MBD1: variants seen among roughly 807,000 people sequenced by gnomAD.
MBD1 encodes methyl-CpG binding domain protein 1, also known as methyl-CpG-binding domain protein 1.
Under a neutral mutation model 82.6 loss-of-function variants are expected in MBD1, and 25 were observed. That is an observed-to-expected ratio of 0.30 (90% CI 0.22 to 0.42). The LOEUF is 0.42. Ranked by LOEUF, MBD1 falls within the 10% of genes least tolerant of loss-of-function variation. The pLI is 1.00. For missense variants in MBD1, 627 were observed against 819.6 expected, an observed-to-expected ratio of 0.76 and a Z score of 2.87; for synonymous variants, 301 against 303.7, an observed-to-expected ratio of 0.99 and a Z score of 0.09.
Position 50,275,601 on chromosome 18 carries a change from C to T in MBD1, c.791G>A (p.Arg264Gln), listed in dbSNP as rs768780488. 5 of 1,614,204 alleles carry T rather than the reference C, an allele frequency of 3.1e-6. No homozygotes were observed. Among genetic ancestry groups the T allele is most frequent in the South Asian group, 2.2e-5 (2 of 91,080 alleles). Reference protein sequence around the residue: ...QWKCVQRRCLRGKHARRKGGC... With the variant: ...QWKCVQRRCLQGKHARRKGGC... ...TCTGCTCCCTCCAGCCCAACTCACC[C>T]GTAGGCAACGTCGCTGGACACATTT... is the stretch of plus-strand genomic sequence containing the variant. The change falls in exon 8 of 17, where the codon CGG (arginine) becomes CAG (glutamine). Residue 264 changes from arginine (R) to glutamine (Q), a missense_variant and splice_region_variant. Arg to Gln is a conservative substitution (Grantham distance 43, BLOSUM62 1). Coordinates refer to ENST00000269468, the MANE Select transcript of MBD1 (RefSeq NM_015846.4).
downstream of MBD1, among the ~76,000 whole-genome samples, chr18:50,267,827 T>C (rs941349607): frequency 6.6e-6 from 1 of 152,226 alleles, no homozygotes; most frequent in African/African-American, 2.4e-5. Flanking sequence ...TACTGTAAAT[T>C]AGCATTCCTT....
At position 50,276,631 on chromosome 18, in the gene MBD1, C is replaced by T. The variant is rs762306450; in HGVS notation, c.475+31G>A. ...ACTGGACCTGCTCCAGCTCCTATCT[C>T]CCGATGCCCCATCCTCTGGAGGCCA... On this transcript the variant is annotated intron_variant, in intron 5 of 16. Transcript: ENST00000269468. The T allele has an allele frequency of 5.6e-6, 9 of 1,612,022 alleles. No individual in the cohort carries two copies. In the East Asian group the frequency reaches 2.0e-4, roughly 36 times the overall value.
At chr18:50,268,633 C>G (rs2034300737), downstream of MBD1, among the ~76,000 whole-genome samples, 2 of 152,220 alleles carry the variant, frequency 1.3e-5, no homozygotes, top group African/African-American at 4.8e-5. Flanking sequence ...GGCGGACCCA[C>G]CAGCAGGTTG....
chr18:50,267,627 A>G (rs2144480179), downstream of MBD1: 2 of 1,536,138 alleles, frequency 1.3e-6, no homozygotes, highest in Non-Finnish European at 1.7e-6. Flanking sequence ...GGTGGTAACC[A>G]CAGTTGCATT....
At position 50,272,838 on chromosome 18, in the gene MBD1, C is replaced by T; in HGVS notation, c.1702G>A (p.Ala568Thr). 6.2e-7 allele frequency: 1 copy of T among 1,614,252 alleles called. No individual in the cohort carries two copies. Among genetic ancestry groups the T allele is most frequent in the Non-Finnish European group, 8.5e-7 (1 of 1,180,044 alleles). Residue 568 changes from alanine to threonine, a missense_variant, in exon 14 of 17, where the codon GCT becomes ACT. This residue lies in a region of MBD1 where 265 missense variants were observed against 278.4 expected (regional missense o/e 0.95). Transcript: ENST00000269468. ...KLAPEEEAGG[A>T]GTPVITEIFS... Reference sequence around the variant, plus strand: ...CCAGCACTGACCACGGGTGTGCCAGCCCCTCCTGCCTCTTCCTCTGGGGCC... The same window carrying T: ...CCAGCACTGACCACGGGTGTGCCAGTCCCTCCTGCCTCTTCCTCTGGGGCC...
rs781208544 is a variant in MBD1, at chr18:50,272,733, C to T, written c.1722G>A (p.Thr574=). ...GGGTTCCACCCAGGCTGAAAATCTC[C>T]GTGATCTAGAGAAGAATTAACACCA... ...EAGGAGTPVI[T]EIFSLGGTRF... The change falls in exon 15 of 17, where the codon ACG becomes ACA. Residue 574 remains threonine (T), a synonymous_variant. Transcript: ENST00000269468. 57 of 1,614,218 alleles carry T rather than the reference C, an allele frequency of 3.5e-5. No homozygotes were observed. Among genetic ancestry groups the T allele is most frequent in the Non-Finnish European group, 4.6e-5 (54 of 1,180,044 alleles).
chr18:50,275,268 G>A lies in MBD1; in HGVS notation c.793-23C>T, dbSNP rs1186850510. The A allele has an allele frequency of 3.7e-6, 6 of 1,612,798 alleles. No homozygotes were observed. In the Admixed American group the frequency reaches 6.7e-5, roughly 18 times the overall value. ...ACCCTGGGAAAGATCAGAAAGGGTG[G>A]TTTCAGCTTGGTGGCACCAGGCAGA... On this transcript the variant is annotated intron_variant, in intron 8 of 16. Coordinates refer to ENST00000269468, the MANE Select transcript of MBD1 (RefSeq NM_015846.4).
intron 15 of MBD1, among the ~76,000 whole-genome samples, chr18:50,272,118 A>G (rs901418054): frequency 1.3e-5 from 2 of 152,150 alleles, no homozygotes; most frequent in African/African-American, 4.8e-5. Flanking sequence ...AAGCCCTTCC[A>G]CAGAGGCCGC....
chr18:50,267,606 C>A, downstream of MBD1: 1 of 1,535,694 alleles, frequency 6.5e-7, no homozygotes, highest in South Asian at 1.2e-5. Context: ...CCAGGACGGA[C>A]CTGCAGCACA....
chr18:50,271,554 A>T lies in MBD1; in HGVS notation c.1779-14T>A. On this transcript the variant is annotated splice_polypyrimidine_tract_variant and intron_variant, in intron 15 of 16. Coordinates refer to ENST00000269468, the MANE Select transcript of MBD1 (RefSeq NM_015846.4). ...AGGTCTTTGGACCTAGGGAAAAGGG[A>T]GCAGGTCTGTATGTTGAATGAGGTT... 6.2e-7 allele frequency: 1 copy of T among 1,614,202 alleles called. No homozygotes were observed. Among genetic ancestry groups the T allele is most frequent in the Non-Finnish European group, 8.5e-7 (1 of 1,180,034 alleles).
intron 6 of MBD1, 42 bp from the exon 7 acceptor site, chr18:50,276,023 A>G: frequency 6.3e-7 from 1 of 1,596,704 alleles, no homozygotes; most frequent in South Asian, 1.1e-5. Flanking sequence ...CCTGCTCCAG[A>G]AGCACTGGTC....
intron 16 of MBD1, chr18:50,270,131 C>T: frequency 1.3e-6 from 2 of 1,598,234 alleles, no homozygotes; most frequent in Non-Finnish European, 8.5e-7. Context: ...TTGACTAGGG[C>T]TGAACTAGTT....
At chr18:50,274,388 G>A in intron 10 of MBD1, 35 bp from the exon 11 acceptor site, 1 of 1,601,898 alleles carries the variant, frequency 6.2e-7, no homozygotes, top group South Asian at 1.1e-5. Flanking sequence ...CTGTCAACTA[G>A]GACTAGGAGA....
chr18:50,271,125 A>C (rs2035327910), intron 16 of MBD1: 1 of 1,141,090 alleles, frequency 8.8e-7, no homozygotes, highest in South Asian at 2.5e-5. Flanking sequence ...GCCAGGTCTC[A>C]TCCAGAAGCC....
At chr18:50,270,616 G>A (rs1213933828) in intron 16 of MBD1, 2 of 333,160 alleles carry the variant, frequency 6.0e-6, no homozygotes, top group Non-Finnish European at 1.2e-5. Flanking sequence ...AGCCAGTGGG[G>A]AGATATATCC....
rs1187398946 is a variant in MBD1, at chr18:50,273,263, A to G, written c.1584+71T>C. On this transcript the variant is annotated intron_variant, in intron 13 of 16. Coordinates refer to ENST00000269468, the MANE Select transcript of MBD1 (RefSeq NM_015846.4). ...TATTGCTCTGCTCAAGAGAACCATC[A>G]TGGCTCATCATCACTCTGCTTACAG... is the stretch of plus-strand genomic sequence containing the variant. 8.8e-6 allele frequency: 14 copies of G among 1,590,912 alleles called. No individual in the cohort carries two copies. In the East Asian group the frequency reaches 1.8e-4, roughly 21 times the overall value.
intron 6 of MBD1, 123 bp from the exon 7 acceptor site, chr18:50,276,104 G>C: frequency 1.9e-5 from 24 of 1,280,448 alleles, no homozygotes; most frequent in Middle Eastern, 2.6e-4. Context: ...CCTCATCACC[G>C]TATCTGAGAA....
intron 16 of MBD1, chr18:50,270,173 G>T: frequency 6.3e-7 from 1 of 1,597,468 alleles, no homozygotes; most frequent in Non-Finnish European, 8.5e-7. Context: ...TGGGGAAGGT[G>T]GCAGAGGCTG....
chr18:50,281,528 C>T, upstream of MBD1: 4 of 577,824 alleles, frequency 6.9e-6, no homozygotes, highest in Non-Finnish European at 1.2e-5. Context: ...GCTCCCGGAA[C>T]CGGAAGTCCG....
Sources: gnomAD v4.1 joint callset for allele counts (sites outside exome capture counted in the v4.1 genomes callset) on GRCh38, gnomAD v4.1.1 for gene constraint, gnomAD v4.1.1 regional missense constraint, MANE v1.5 for transcripts, NCBI Gene and HGNC (gene_info 2026-07-23, HGNC 2026-07-21) for gene names.